Variants in GNE observed in about 807,000 individuals in gnomAD.
GNE encodes bifunctional UDP-N-acetylglucosamine 2-epimerase/N-acetylmannosamine kinase.
A neutral mutation model predicts 61.8 loss-of-function variants in GNE; 41 were observed. That is an observed-to-expected ratio of 0.66 (90% CI 0.52 to 0.86). The LOEUF is 0.86. GNE is among the 40% of genes least tolerant of loss of function. The pLI is 0.00. For missense variants in GNE, 608 were observed against 909.1 expected (o/e 0.67, Z 4.26); for synonymous variants, 264 against 326.4 (o/e 0.81, Z 2.06).
intron 1 of GNE, chr9:36,265,698 G>A: frequency 3.2e-6 from 1 of 309,240 alleles, no homozygotes; most frequent in East Asian, 7.8e-5. Flanking sequence ...TTTTTCCATG[G>A]GAAGTGGGGG....
chr9:36,232,165 T>C (rs1829183960), intron 5 of GNE, among the ~76,000 whole-genome samples: 1 of 152,172 alleles, frequency 6.6e-6, no homozygotes, highest in Admixed American at 6.5e-5. Context: ...AAATCTAGGC[T>C]TCCTTGTTGA....
upstream of GNE, among the ~76,000 whole-genome samples, chr9:36,260,028 T>C (rs1306343359): frequency 6.6e-6 from 1 of 152,046 alleles, no homozygotes; most frequent in African/African-American, 2.4e-5. Flanking sequence ...GAAACTCAAC[T>C]GAAGTGGATG....
Position 36,219,840 on chromosome 9 carries a change from T to C in GNE, c.1814A>G (p.Asp605Gly). The C allele has an allele frequency of 1.9e-6, 3 of 1,613,904 alleles. No homozygotes were observed. The highest frequency in any genetic ancestry group is 2.5e-6 in the Non-Finnish European group (3 of 1,179,752). The change falls in exon 10 of 12, where the codon GAT (aspartate) becomes GGT (glycine). Residue 605 changes from aspartate to glycine, a missense_variant and splice_region_variant. Transcript: ENST00000642385. Reference protein sequence around the residue: ...ALQREAKKLHDEDLLLVEGMS... With the variant: ...ALQREAKKLHGEDLLLVEGMS... ...TTCCTCGAGAGAGGGACACCAACCA[T>C]CATGGAGCTTTTTTGCCTCCCTCTG...
rs753545474 is a variant in GNE at position 36,234,147 on chromosome 9, A to G, written c.770-15T>C. On this transcript the variant is annotated splice_polypyrimidine_tract_variant and intron_variant, in intron 4 of 11. Transcript: ENST00000642385. Reference sequence around the variant, plus strand: ...CTCTTTGCTCCCTATGAAAATGAAAAGAACCAATTGGTAAATGGTTTGTGA... The same window carrying G: ...CTCTTTGCTCCCTATGAAAATGAAAGGAACCAATTGGTAAATGGTTTGTGA... 4 of 1,592,422 alleles carry G rather than the reference A, an allele frequency of 2.5e-6. No homozygotes were observed. In the South Asian group the frequency reaches 3.3e-5, roughly 13 times the overall value.
chr9:36,260,880 A>C (rs1359763922), upstream of GNE, among the ~76,000 whole-genome samples: 69 of 149,714 alleles, frequency 4.6e-4, no homozygotes, highest in African/African-American at 1.6e-3. Flanking sequence ...AAAAAAAAAA[A>C]AAAAAAAAAA....
At position 36,258,301 on chromosome 9, in the gene GNE, C is replaced by G. The variant is rs1050045705; in HGVS notation, c.-43+20G>C. 1 of 984,966 alleles carries G rather than the reference C, an allele frequency of 1.0e-6. No individual in the cohort carries two copies. Among genetic ancestry groups the G allele is most frequent in the Non-Finnish European group, 1.2e-6 (1 of 829,618 alleles). 61.0% of individuals were successfully genotyped at this position (984,966 alleles called of 1,614,324 possible). ...GGCAGGATGCTCTCCCGGAGTCCCACGCCGCCGCGCGGCTCTCACCAGACG... is the reference window on the plus strand; with the variant it reads ...GGCAGGATGCTCTCCCGGAGTCCCAGGCCGCCGCGCGGCTCTCACCAGACG... On this transcript the variant is annotated intron_variant, in intron 1 of 11. Coordinates refer to ENST00000642385, the MANE Select transcript of GNE (RefSeq NM_005476.7).
chr9:36,221,136 C>T (rs951537628), intron 9 of GNE, among the ~76,000 whole-genome samples: 5 of 152,254 alleles, frequency 3.3e-5, no homozygotes, highest in South Asian at 4.1e-4. Flanking sequence ...GCCTGACCAA[C>T]GTGGTGAAAC....
rs1370031089 is a variant in GNE, at chr9:36,257,799, TC to T, written c.-43+521del. On this transcript the variant is annotated intron_variant, in intron 1 of 11. Transcript: ENST00000642385. ...GCCTGGGCGACAGAGCGAGACTCAG[TC>T]TCAAAAAAAAAAAAAAAAAAAAAAA... Among the ~76,000 whole-genome samples the T allele has an allele frequency of 1.2e-3, 39 of 32,230 alleles. 1 individual carries two copies. Among genetic ancestry groups the T allele is most frequent in the African/African-American group, 9.6e-3 (37 of 3,838 alleles). The allele number at this position is 32,230 out of a possible 152,430, so 21.1% of individuals were successfully genotyped here.
intron 5 of GNE, among the ~76,000 whole-genome samples, chr9:36,229,351 T>G (rs1353879127): frequency 2.0e-5 from 3 of 152,072 alleles, no homozygotes; most frequent in African/African-American, 7.2e-5. Flanking sequence ...ACAAATCAAG[T>G]TTTTGTTTAT....
At chr9:36,230,940 T>C (rs1299525441) in intron 5 of GNE, among the ~76,000 whole-genome samples, 2 of 151,760 alleles carry the variant, frequency 1.3e-5, no homozygotes, top group African/African-American at 2.4e-5. Context: ...ATCTTCAATA[T>C]CTTTTCTTCA....
At chr9:36,257,203 C>G (rs1465151793) in intron 1 of GNE, among the ~76,000 whole-genome samples, 1 of 152,148 alleles carries the variant, frequency 6.6e-6, no homozygotes, top group Non-Finnish European at 1.5e-5. Flanking sequence ...TGTCCCACAC[C>G]CAGTGTTTGC....
chr9:36,252,108 C>T (rs1830127718), intron 1 of GNE, among the ~76,000 whole-genome samples: 1 of 151,686 alleles, frequency 6.6e-6, no homozygotes, highest in Non-Finnish European at 1.5e-5. Flanking sequence ...GCCTCAGCCT[C>T]CCGAGTAGCT....
At chr9:36,276,175 AAC>A (rs4008358) in intron 1 of GNE, among the ~76,000 whole-genome samples, 1 of 151,280 alleles carries the variant, frequency 6.6e-6, no homozygotes, top group Non-Finnish European at 1.5e-5. Flanking sequence ...CCTGTCTTTA[AAC>A]ACACACACAC....
At chr9:36,255,726 G>C (rs1830301828) in intron 1 of GNE, among the ~76,000 whole-genome samples, 1 of 152,170 alleles carries the variant, frequency 6.6e-6, no homozygotes, top group African/African-American at 2.4e-5. Flanking sequence ...AGCTCAGAAA[G>C]TCAGAAGGTG....
upstream of GNE, among the ~76,000 whole-genome samples, chr9:36,258,735 C>G (rs1400577097): frequency 6.6e-6 from 1 of 152,220 alleles, no homozygotes; most frequent in Non-Finnish European, 1.5e-5. Context: ...GCACTGAAGC[C>G]CGAGTCTTCC....
rs115258862 is a variant in GNE at position 36,240,098 on chromosome 9, T to C, written c.617-3114A>G. Among the ~76,000 whole-genome samples the C allele has an allele frequency of 4.6e-3, 699 of 152,220 alleles. 7 individuals carry two copies. Among genetic ancestry groups the C allele is most frequent in the African/African-American group, 0.016 (664 of 41,522 alleles). On this transcript the variant is annotated intron_variant, in intron 3 of 11. Coordinates refer to ENST00000642385, the MANE Select transcript of GNE (RefSeq NM_005476.7). ...TTAGGATTTTCAAGGTAAATAATCA[T>C]ATTGTCAGCAAAGAGTGACGGTTTG...
At chr9:36,266,220 C>T (rs1830782152) in intron 1 of GNE, among the ~76,000 whole-genome samples, 2 of 152,180 alleles carry the variant, frequency 1.3e-5, no homozygotes, top group Non-Finnish European at 2.9e-5. Flanking sequence ...CATAAGCCAC[C>T]GCGCCCGACC....
chr9:36,251,075 C>T (rs1054642127), intron 1 of GNE, among the ~76,000 whole-genome samples: 15 of 152,162 alleles, frequency 9.9e-5, no homozygotes, highest in Admixed American at 3.9e-4. Flanking sequence ...TACCAAACTG[C>T]CTCCAGTTCA....
rs1479027996 is a variant in GNE, at chr9:36,217,509, A to G, written c.2025T>C (p.Tyr675=). Reference sequence around the variant, plus strand: ...GAATGACGTCTTTGACAATGTGGATATAGTGACTGGCCAGGACTCCGGAGA... The same window carrying G: ...GAATGACGTCTTTGACAATGTGGATGTAGTGACTGGCCAGGACTCCGGAGA... ...VILSGVLASH[Y]IHIVKDVIRQ... is the part of the protein sequence containing the mutation. The change falls in exon 12 of 12, where the codon TAT becomes TAC. Residue 675 remains tyrosine, a synonymous_variant. Coordinates refer to ENST00000642385, the MANE Select transcript of GNE (RefSeq NM_005476.7). The G allele has an allele frequency of 9.9e-6, 16 of 1,614,066 alleles. No homozygotes were observed. The highest frequency in any genetic ancestry group is 4.5e-5 in the East Asian group (2 of 44,888).
Sources: gnomAD v4.1 joint callset for allele counts (sites outside exome capture counted in the v4.1 genomes callset) on GRCh38, gnomAD v4.1.1 for gene constraint, MANE v1.5 for transcripts, NCBI Gene and HGNC (gene_info 2026-07-23, HGNC 2026-07-21) for gene names.